The following WNK2 variants were observed in gnomAD, a reference collection of about 807,000 sequenced individuals.
The protein encoded by WNK2 is WNK lysine deficient protein kinase 2.
A neutral mutation model predicts 192.1 loss-of-function variants in WNK2; 67 were observed. The ratio of observed to expected loss-of-function variants is 0.35; its 90% CI spans 0.29 to 0.43. WNK2 has a LOEUF of 0.43. Ranked by LOEUF, WNK2 falls within the 20% of genes least tolerant of loss-of-function variation. The pLI is 1.00. For synonymous variants in WNK2, 1,439 were observed against 1,393.9 expected (o/e 1.03, Z -0.72); for missense variants, 2,698 against 3,089.7 (o/e 0.87, Z 3.01).
At chr9:93,214,125 C>T (rs2131612717) in intron 2 of WNK2, among the ~76,000 whole-genome samples, 1 of 152,288 alleles carries the variant, frequency 6.6e-6, no homozygotes, top group South Asian at 2.1e-4. Flanking sequence ...TCTCACAGCA[C>T]TTTCCCTTTA....
At chr9:93,299,673 C>T (rs1041705939) in intron 25 of WNK2, among the ~76,000 whole-genome samples, 6 of 151,910 alleles carry the variant, frequency 3.9e-5, no homozygotes, top group African/African-American at 1.2e-4. Flanking sequence ...GCTGGGGGGA[C>T]GAGGGCACAG....
chr9:93,239,467 G>A lies in WNK2; in HGVS notation c.1323-290G>A, dbSNP rs184372344. On this transcript the variant is annotated intron_variant, in intron 6 of 29. Transcript: ENST00000427277. The surrounding 1 kb of genome is among the most constrained non-coding windows in gnomAD (Gnocchi z 4.2). ...TCCACAGGGGCTGTATTTGCATAAT[G>A]GGAGGCCTAATGTTTTTCCAAATCC... Among the ~76,000 whole-genome samples the A allele has an allele frequency of 2.6e-5, 4 of 152,210 alleles. No individual in the cohort carries two copies. The East Asian group carries it at 7.7e-4, about 29-fold the overall frequency.
chr9:93,213,391 A>G (rs141825366), intron 2 of WNK2, among the ~76,000 whole-genome samples: 3 of 152,354 alleles, frequency 2.0e-5, no homozygotes, highest in African/African-American at 2.4e-5. Context: ...TTAACAACCA[A>G]TGTGTATTCT....
intron 2 of WNK2, among the ~76,000 whole-genome samples, chr9:93,202,364 G>GTGTGTGTGTGTGTGTGTGTA (rs576221975): frequency 1.9e-4 from 28 of 146,160 alleles, no homozygotes; most frequent in African/African-American, 6.0e-4. Context: ...GTGTGTGTGT[G>GTGTGTGTGTGTGTGTGTGTA]TGTATGTCTC....
Position 93,289,068 on chromosome 9 carries a change from GACTC to G in WNK2, c.4317_4320del (p.His1440ArgfsTer13). 1 of 1,607,412 alleles carries G rather than the reference GACTC, an allele frequency of 6.2e-7. No homozygotes were observed. Among genetic ancestry groups the G allele is most frequent in the Non-Finnish European group, 8.5e-7 (1 of 1,177,444 alleles). On this transcript the variant is annotated frameshift_variant, in exon 20 of 30. Coordinates refer to ENST00000427277, the MANE Select transcript of WNK2 (RefSeq NM_006648.4). LOFTEE classifies it high-confidence loss of function. The stretch of plus-strand genomic sequence containing the variant: ...TCGAGACGTCTCAGCCACTAGCGGA[GACTC>G]ACGAGGCCCCGCTTGCTGTGCAGCC...
At chr9:93,215,329 C>T (rs181552561) in intron 2 of WNK2, among the ~76,000 whole-genome samples, 23 of 152,156 alleles carry the variant, frequency 1.5e-4, no homozygotes, top group Non-Finnish European at 1.9e-4. Flanking sequence ...AGGCTGGTCT[C>T]GAACTCCTGA....
chr9:93,212,555 C>T (rs1009092491), intron 2 of WNK2, among the ~76,000 whole-genome samples: 4 of 152,344 alleles, frequency 2.6e-5, no homozygotes, highest in East Asian at 3.9e-4. Flanking sequence ...GGTCGGGGCA[C>T]ATGATGGGGA....
chr9:93,308,884 G>A (rs1009530087), intron 28 of WNK2: 11 of 1,275,694 alleles, frequency 8.6e-6, no homozygotes, highest in South Asian at 4.0e-5. Flanking sequence ...CCCAAGCCCC[G>A]CACTCAGAGC....
At chr9:93,250,189 T>C (rs1842369604) in intron 8 of WNK2, among the ~76,000 whole-genome samples, 1 of 151,194 alleles carries the variant, frequency 6.6e-6, no homozygotes, top group Non-Finnish European at 1.5e-5. Context: ...CACAAATACA[T>C]AGGCACATCT....
chr9:93,311,613 T>TTGTGTGTGTGTGTGTGTGTG lies in WNK2; in HGVS notation c.6516+3037_6516+3056dup, dbSNP rs71364368. ...AGATTTCCTTTCTGGGTTTTTTTGT[T>TTGTGTGTGTGTGTGTGTGTG]TGTGTGTGTGTGTGTGTGTGTGTGT... On this transcript the variant is annotated intron_variant, in intron 28 of 29. Transcript: ENST00000427277. Among the ~76,000 whole-genome samples the TTGTGTGTGTGTGTGTGTGTG allele has an allele frequency of 8.8e-4, 128 of 146,188 alleles. 2 individuals carry two copies. Among genetic ancestry groups the TTGTGTGTGTGTGTGTGTGTG allele is most frequent in the South Asian group, 3.8e-3 (17 of 4,510 alleles).
At chr9:93,300,650 C>T (rs550323468) in intron 26 of WNK2, among the ~76,000 whole-genome samples, 24 of 152,292 alleles carry the variant, frequency 1.6e-4, no homozygotes, top group East Asian at 1.5e-3. Context: ...ATGCACATAG[C>T]GAGCCTATAC....
intron 28 of WNK2, 76 bp downstream of exon 28, chr9:93,308,660 T>G: frequency 6.9e-7 from 1 of 1,446,398 alleles, no homozygotes; most frequent in South Asian, 1.4e-5. Flanking sequence ...GTGCCCTGTG[T>G]GGCAGAGGGG....
At chr9:93,232,759 C>T (rs1281505781) in intron 4 of WNK2, among the ~76,000 whole-genome samples, 1 of 152,074 alleles carries the variant, frequency 6.6e-6, no homozygotes, top group African/African-American at 2.4e-5. Flanking sequence ...ACCTTGTGAC[C>T]CGCATGGTTG....
intron 13 of WNK2, 59 bp from the exon 14 acceptor site, chr9:93,262,611 C>G: frequency 1.3e-6 from 2 of 1,584,818 alleles, no homozygotes; most frequent in South Asian, 2.2e-5. Flanking sequence ...CGTGGCTGTG[C>G]CCACAGGGAG....
chr9:93,292,126 A>G (rs1055985740), intron 21 of WNK2, among the ~76,000 whole-genome samples, 182 bp from the exon 22 acceptor site: 11 of 152,086 alleles, frequency 7.2e-5, no homozygotes, highest in African/African-American at 2.7e-4. Context: ...AGTTTCCAAA[A>G]CTGCTGTTTC....
chr9:93,216,687 G>A (rs556097902), intron 2 of WNK2, among the ~76,000 whole-genome samples: 41 of 151,912 alleles, frequency 2.7e-4, no homozygotes, highest in Middle Eastern at 6.8e-3. Context: ...TCAGCTGCTC[G>A]GGAGGCTGAG....
intron 2 of WNK2, among the ~76,000 whole-genome samples, chr9:93,216,856 C>G (rs868572100): frequency 1.3e-5 from 2 of 150,894 alleles, no homozygotes; most frequent in Non-Finnish European, 1.5e-5. Context: ...ACAAAAAGAA[C>G]TAAAAAAAAA....
intron 9 of WNK2, among the ~76,000 whole-genome samples, chr9:93,255,702 C>A (rs1843181127): frequency 1.3e-5 from 2 of 152,310 alleles, no homozygotes; most frequent in Non-Finnish European, 2.9e-5. Context: ...AAGACACTTC[C>A]CCTGTAAATG....
chr9:93,206,884 GCTGGAC>G (rs1443265851), intron 2 of WNK2, among the ~76,000 whole-genome samples: 2 of 152,186 alleles, frequency 1.3e-5, no homozygotes, highest in Non-Finnish European at 2.9e-5. Context: ...GTTACTGAGG[GCTGGAC>G]ATGGAGAGGG....
Sources: allele counts gnomAD v4.1 joint callset (sites outside exome capture counted in the v4.1 genomes callset), GRCh38; gene constraint gnomAD v4.1.1; non-coding constraint Gnocchi (gnomAD v3.1); transcripts MANE v1.5; gene names NCBI Gene and HGNC (gene_info 2026-07-23, HGNC 2026-07-21).